Variants in TMEM200A observed in about 807,000 individuals in gnomAD.
TMEM200A encodes the protein two transmembrane C.
TMEM200A carries 12 observed loss-of-function variants against 24.3 expected under a neutral mutation model. That is an observed-to-expected ratio of 0.49 (90% CI 0.32 to 0.80). TMEM200A has a LOEUF of 0.80. Ranked by LOEUF, TMEM200A falls within the 30% of genes least tolerant of loss-of-function variation. The pLI is 0.04. For synonymous variants in TMEM200A, 224 were observed against 224.4 expected (o/e 1.00, Z 0.02); for missense variants, 545 against 614.4 (o/e 0.89, Z 1.19).
intron 2 of TMEM200A, among the ~76,000 whole-genome samples, chr6:130,423,006 G>A (rs1779639027): frequency 6.6e-6 from 1 of 152,116 alleles, no homozygotes; most frequent in Admixed American, 6.6e-5. Flanking sequence ...ATTGAACTTG[G>A]CATAACAACA....
At chr6:130,430,044 A>G (rs1402955228) in intron 2 of TMEM200A, among the ~76,000 whole-genome samples, 1 of 152,108 alleles carries the variant, frequency 6.6e-6, no homozygotes, top group African/African-American at 2.4e-5. Flanking sequence ...GAGCATGTGG[A>G]GTGTCCTACT....
intron 2 of TMEM200A, among the ~76,000 whole-genome samples, chr6:130,408,905 T>C (rs1254865959): frequency 6.6e-6 from 1 of 152,104 alleles, no homozygotes; most frequent in Non-Finnish European, 1.5e-5. Flanking sequence ...AGGTGCCACA[T>C]CTGATCCACT....
chr6:130,374,168 T>A (rs1198477154), intron 1 of TMEM200A, among the ~76,000 whole-genome samples: 1 of 152,114 alleles, frequency 6.6e-6, no homozygotes, highest in Non-Finnish European at 1.5e-5. Context: ...GAGAAGTTGA[T>A]TGATGTAGGA....
intron 1 of TMEM200A, among the ~76,000 whole-genome samples, chr6:130,374,710 A>G (rs11965536): frequency 0.032 from 4,824 of 152,188 alleles, 254 homozygotes; most frequent in African/African-American, 0.11. Flanking sequence ...AAGTGTGAGC[A>G]ACCTCACCTG....
At chr6:130,402,954 C>A (rs1010364724) in intron 2 of TMEM200A, among the ~76,000 whole-genome samples, 1 of 151,836 alleles carries the variant, frequency 6.6e-6, no homozygotes, top group African/African-American at 2.4e-5. Flanking sequence ...TTCTTTATGC[C>A]CCCATATCAC....
At chr6:130,413,350 C>T (rs1779374608) in intron 2 of TMEM200A, among the ~76,000 whole-genome samples, 1 of 152,278 alleles carries the variant, frequency 6.6e-6, no homozygotes, top group Non-Finnish European at 1.5e-5. Flanking sequence ...GCTTCATGCA[C>T]CTGTAGCCAG....
chr6:130,386,752 C>A lies in TMEM200A; in HGVS notation c.-17+1516C>A, dbSNP rs1386293658. Among the ~76,000 whole-genome samples, 4 of 152,286 alleles carry A rather than the reference C, an allele frequency of 2.6e-5. No individual in the cohort carries two copies. In the East Asian group the frequency reaches 7.7e-4, roughly 29 times the overall value. ...AACCCCCAAGAAATTGTAAGAATGT[C>A]GTTTCGACAGATAGGAGCTTGGAGC... is the stretch of plus-strand genomic sequence containing the variant. On this transcript the variant is annotated intron_variant, in intron 2 of 2. Coordinates refer to ENST00000296978, the MANE Select transcript of TMEM200A (RefSeq NM_001258277.2).
intron 2 of TMEM200A, among the ~76,000 whole-genome samples, chr6:130,387,919 A>G (rs1052175036): frequency 1.3e-5 from 2 of 152,204 alleles, no homozygotes; most frequent in African/African-American, 2.4e-5. Flanking sequence ...AAAGAATACA[A>G]AAGTGTAAGG....
intron 2 of TMEM200A, among the ~76,000 whole-genome samples, chr6:130,418,374 C>CA (rs1779506889): frequency 6.6e-6 from 1 of 152,082 alleles, no homozygotes; most frequent in Non-Finnish European, 1.5e-5. Context: ...GAGATGAATA[C>CA]AAAATTATTG....
intron 2 of TMEM200A, among the ~76,000 whole-genome samples, chr6:130,436,724 G>T (rs1306196473): frequency 6.0e-5 from 8 of 133,490 alleles, no homozygotes; most frequent in Non-Finnish European, 1.1e-4. Flanking sequence ...ATAACTCACT[G>T]CAGCCTCCAG....
intron 2 of TMEM200A, among the ~76,000 whole-genome samples, chr6:130,422,631 A>G (rs1183187885): frequency 2.0e-5 from 3 of 152,178 alleles, no homozygotes; most frequent in Non-Finnish European, 4.4e-5. Flanking sequence ...TCCTTGGGAT[A>G]TCATAATACT....
At chr6:130,390,445 T>G (rs1778809112) in intron 2 of TMEM200A, among the ~76,000 whole-genome samples, 1 of 152,260 alleles carries the variant, frequency 6.6e-6, no homozygotes, top group South Asian at 2.1e-4. Flanking sequence ...AGTATGTCAT[T>G]TAATCTCAGT....
chr6:130,410,534 G>A (rs1024426761), intron 2 of TMEM200A, among the ~76,000 whole-genome samples: 1 of 152,164 alleles, frequency 6.6e-6, no homozygotes, highest in African/African-American at 2.4e-5. Context: ...GTCCAGTAGT[G>A]CTACAAGTCT....
chr6:130,378,577 A>G (rs1460398719), intron 1 of TMEM200A, among the ~76,000 whole-genome samples: 1 of 151,070 alleles, frequency 6.6e-6, no homozygotes, highest in Non-Finnish European at 1.5e-5. Flanking sequence ...ACAAAAAATT[A>G]GCCGGGCATG....
At chr6:130,415,613 T>C (rs1304372815) in intron 2 of TMEM200A, among the ~76,000 whole-genome samples, 1 of 152,156 alleles carries the variant, frequency 6.6e-6, no homozygotes, top group Non-Finnish European at 1.5e-5. Context: ...GTTTACTAAA[T>C]TACGAGAAAT....
At chr6:130,379,800 T>C (rs1482162762) in intron 1 of TMEM200A, among the ~76,000 whole-genome samples, 1 of 152,060 alleles carries the variant, frequency 6.6e-6, no homozygotes, top group Non-Finnish European at 1.5e-5. Flanking sequence ...GAAACTTAAA[T>C]TTAAGGATCA....
In TMEM200A at chr6:130,380,216, CAATAA is replaced by C. The variant is rs530740408; in HGVS notation, c.-80-4952_-80-4948del. Among the ~76,000 whole-genome samples, 281 of 152,242 alleles carry C rather than the reference CAATAA, an allele frequency of 1.8e-3. 2 individuals carry two copies. Among genetic ancestry groups the C allele is most frequent in the African/African-American group, 6.6e-3 (275 of 41,532 alleles). On this transcript the variant is annotated intron_variant, in intron 1 of 2. Coordinates refer to ENST00000296978, the MANE Select transcript of TMEM200A (RefSeq NM_001258277.2). Reference sequence around the variant, plus strand: ...CAGAATAGACATAGTCGTACCTTCACAATAAAATAGTGATAGAATAGTGCATCTGA... The same window carrying C: ...CAGAATAGACATAGTCGTACCTTCACAATAGTGATAGAATAGTGCATCTGA...
chr6:130,419,155 G>C (rs1193868377), intron 2 of TMEM200A, among the ~76,000 whole-genome samples: 1 of 152,196 alleles, frequency 6.6e-6, no homozygotes, highest in East Asian at 1.9e-4. Context: ...CCACATATGA[G>C]TGATAGCATG....
chr6:130,430,757 T>C (rs1779857176), intron 2 of TMEM200A, among the ~76,000 whole-genome samples: 1 of 152,220 alleles, frequency 6.6e-6, no homozygotes, highest in Non-Finnish European at 1.5e-5. Context: ...CACCTGTTTC[T>C]ACCTTGCTTT....
Sources: allele counts gnomAD v4.1 joint callset (sites outside exome capture counted in the v4.1 genomes callset), GRCh38; gene constraint gnomAD v4.1.1; transcripts MANE v1.5; gene names NCBI Gene and HGNC (gene_info 2026-07-23, HGNC 2026-07-21).